CSMD1: variants seen among roughly 807,000 people sequenced by gnomAD.
The protein encoded by CSMD1 is CUB and Sushi multiple domains 1.
A neutral mutation model predicts 417.5 loss-of-function variants in CSMD1; 213 were observed. The ratio of observed to expected loss-of-function variants is 0.51; its 90% CI spans 0.46 to 0.57. The LOEUF (loss-of-function observed/expected upper bound fraction) is 0.57. CSMD1 is among the 20% of genes least tolerant of loss of function. The pLI is 0.00. For missense variants in CSMD1, 6,923 were observed against 4,529.7 expected (o/e 1.53, Z -15.17); for synonymous variants, 2,862 against 1,736.8 (o/e 1.65, Z -16.11).
rs73499954 is a variant in CSMD1, at chr8:4,791,068, C to T, written c.86-153510G>A. 6.8e-5 allele frequency among the ~76,000 whole-genome samples: 8 copies of T among 118,190 alleles called. No individual in the cohort carries two copies. In the East Asian group the frequency reaches 1.4e-3, roughly 21 times the overall value. The allele number at this position is 118,190 out of a possible 152,430, so 77.5% of individuals were successfully genotyped here. ...AAACACAAGCTAGTAGGGAGAGAGA[C>T]GGTGAGAGAGACGGTGAGAGAGACG... On this transcript the variant is annotated intron_variant, in intron 1 of 69. Transcript: ENST00000635120.
chr8:4,632,972 G>A (rs1002827258), intron 2 of CSMD1, among the ~76,000 whole-genome samples: 7 of 152,182 alleles, frequency 4.6e-5, no homozygotes, highest in East Asian at 1.9e-4. Context: ...CTGAAGGACA[G>A]AATGCAGTTT....
chr8:4,427,401 C>T (rs1428265742), intron 2 of CSMD1, among the ~76,000 whole-genome samples: 1 of 151,896 alleles, frequency 6.6e-6, no homozygotes, highest in Non-Finnish European at 1.5e-5. Context: ...CCCTAGGTAC[C>T]TTGGGGTCAT....
At chr8:4,039,724 T>C (rs1797790764) in intron 3 of CSMD1, among the ~76,000 whole-genome samples, 1 of 152,130 alleles carries the variant, frequency 6.6e-6, no homozygotes, top group Admixed American at 6.5e-5. Flanking sequence ...AGGGCAAGAT[T>C]TGGCCAAATA....
At chr8:3,322,042 T>C (rs1806186848) in intron 23 of CSMD1, among the ~76,000 whole-genome samples, 1 of 152,154 alleles carries the variant, frequency 6.6e-6, no homozygotes, top group African/African-American at 2.4e-5. Context: ...TGGTGACGTA[T>C]TTACATAATA....
intron 5 of CSMD1, among the ~76,000 whole-genome samples, chr8:3,914,320 G>C (rs116450621): frequency 3.9e-5 from 6 of 152,012 alleles, no homozygotes. Flanking sequence ...GAACGAGGAA[G>C]AGAATGGGGC....
rs962113525 is a variant in CSMD1 at position 4,908,951 on chromosome 8, G to A, written c.85+85381C>T. Reference sequence around the variant, plus strand: ...CCACTGCATTGCCTCTTCCGAACGTGTTTTCCTTGCCTTTAGCATGCCCCG... The same window carrying A: ...CCACTGCATTGCCTCTTCCGAACGTATTTTCCTTGCCTTTAGCATGCCCCG... On this transcript the variant is annotated intron_variant, in intron 1 of 69. Transcript: ENST00000635120. Among the ~76,000 whole-genome samples the A allele has an allele frequency of 9.2e-5, 14 of 152,114 alleles. No homozygotes were observed. The South Asian group carries it at 1.2e-3, about 14-fold the overall frequency.
intron 2 of CSMD1, among the ~76,000 whole-genome samples, chr8:4,495,346 C>T (rs1050495931): frequency 8.5e-5 from 13 of 152,216 alleles, no homozygotes; most frequent in East Asian, 1.9e-4. Context: ...GAGGCTGAGG[C>T]GGGCGGATCA....
At chr8:4,007,181 C>T (rs1225562676) in intron 4 of CSMD1, among the ~76,000 whole-genome samples, 1 of 152,120 alleles carries the variant, frequency 6.6e-6, no homozygotes, top group Non-Finnish European at 1.5e-5. Context: ...CTGATGCCCA[C>T]TTTCATAGAA....
intron 4 of CSMD1, among the ~76,000 whole-genome samples, chr8:4,025,588 C>G (rs560875168): frequency 6.6e-6 from 1 of 152,142 alleles, no homozygotes. Flanking sequence ...AGAAGTGAAA[C>G]AGTAAATCCT....
intron 1 of CSMD1, among the ~76,000 whole-genome samples, chr8:4,719,333 C>T (rs933152926): frequency 2.6e-5 from 4 of 151,976 alleles, no homozygotes; most frequent in South Asian, 2.1e-4. Flanking sequence ...TAATCTATTT[C>T]CTTCTCTCTC....
At chr8:2,982,441 T>C (rs1805505864) in intron 54 of CSMD1, among the ~76,000 whole-genome samples, 1 of 152,246 alleles carries the variant, frequency 6.6e-6, no homozygotes, top group Non-Finnish European at 1.5e-5. Context: ...TTGAGGATCA[T>C]GGAGGTCCTT....
chr8:3,963,948 A>G (rs1405006064), intron 5 of CSMD1, among the ~76,000 whole-genome samples: 2 of 152,232 alleles, frequency 1.3e-5, no homozygotes, highest in African/African-American at 2.4e-5. Flanking sequence ...AAAAGAAGAA[A>G]AAGTTCGTTG....
intron 23 of CSMD1, among the ~76,000 whole-genome samples, chr8:3,309,990 C>A (rs62504434): frequency 0.083 from 12,585 of 152,204 alleles, 656 homozygotes; most frequent in Non-Finnish European, 0.12. Flanking sequence ...TTTACGATAA[C>A]CCTGATCTAT....
At chr8:3,486,251 T>G (rs1240783907) in intron 11 of CSMD1, among the ~76,000 whole-genome samples, 3 of 145,156 alleles carry the variant, frequency 2.1e-5, no homozygotes, top group Non-Finnish European at 3.0e-5. Context: ...CCTTGTACTG[T>G]ACTTTTAATC....
chr8:3,516,428 C>T (rs532447285), intron 10 of CSMD1, among the ~76,000 whole-genome samples: 3 of 152,278 alleles, frequency 2.0e-5, no homozygotes, highest in Non-Finnish European at 2.9e-5. Context: ...TTTTCAAAAT[C>T]GTCTAGCCAG....
At chr8:4,800,337 A>T (rs1184314602) in intron 1 of CSMD1, among the ~76,000 whole-genome samples, 1 of 151,654 alleles carries the variant, frequency 6.6e-6, no homozygotes, top group Non-Finnish European at 1.5e-5. Flanking sequence ...AGGCTGAGGC[A>T]GGAAGATTTC....
At chr8:4,211,221 G>A (rs1045477618) in intron 3 of CSMD1, among the ~76,000 whole-genome samples, 4 of 151,072 alleles carry the variant, frequency 2.6e-5, no homozygotes, top group East Asian at 3.9e-4. Flanking sequence ...TTTTTAGCTG[G>A]CATAAATTAA....
At position 3,030,411 on chromosome 8, in the gene CSMD1, G is replaced by C. The variant is rs538580077; in HGVS notation, c.7661-898C>G. 5.9e-5 allele frequency among the ~76,000 whole-genome samples: 9 copies of C among 151,466 alleles called. No homozygotes were observed. In the South Asian group the frequency reaches 1.9e-3, roughly 32 times the overall value. On this transcript the variant is annotated intron_variant, in intron 50 of 69. Coordinates refer to ENST00000635120, the MANE Select transcript of CSMD1 (RefSeq NM_033225.6). ...TCAAATTGATTAATTTATTGAGCTG[G>C]GAAGAATTAACTGGAGAGACTATAG...
intron 23 of CSMD1, among the ~76,000 whole-genome samples, chr8:3,321,463 C>T (rs780256601): frequency 2.6e-5 from 4 of 152,126 alleles, no homozygotes; most frequent in Non-Finnish European, 4.4e-5. Context: ...TCCTGTGAAT[C>T]CCACCACAAG....
Sources: allele counts gnomAD v4.1 joint callset (sites outside exome capture counted in the v4.1 genomes callset), GRCh38; gene constraint gnomAD v4.1.1; transcripts MANE v1.5; gene names NCBI Gene and HGNC (gene_info 2026-07-23, HGNC 2026-07-21).